SMYD3: variants seen among roughly 807,000 people sequenced by gnomAD.
SMYD3 encodes histone-lysine N-methyltransferase SMYD3.
A neutral mutation model predicts 57.7 loss-of-function variants in SMYD3; 36 were observed. The observed-to-expected ratio is 0.62, with a 90% CI of 0.48 to 0.82. The LOEUF (loss-of-function observed/expected upper bound fraction) is 0.82. Among genes scored for constraint, SMYD3 ranks in the 40% least tolerant of loss-of-function variants. The pLI, the probability that SMYD3 is intolerant of heterozygous loss-of-function variation, is 0.00. For missense variants in SMYD3, 515 were observed against 538.8 expected, an observed-to-expected ratio of 0.96 and a Z score of 0.44; for synonymous variants, 211 against 195.0, an observed-to-expected ratio of 1.08 and a Z score of -0.68.
intron 5 of SMYD3, among the ~76,000 whole-genome samples, chr1:246,059,030 AT>A (rs2060204674): frequency 6.6e-6 from 1 of 152,030 alleles, no homozygotes; most frequent in Non-Finnish European, 1.5e-5. Context: ...GTCCGCCACC[AT>A]GCCCGGCTAA....
chr1:245,954,513 A>T (rs2147958613), intron 5 of SMYD3, among the ~76,000 whole-genome samples: 1 of 152,318 alleles, frequency 6.6e-6, no homozygotes, highest in Non-Finnish European at 1.5e-5. Context: ...GTCTCTACAG[A>T]AAATGCTAAA....
chr1:246,250,115 G>GTCTTCTCTA (rs2063777610), intron 5 of SMYD3, among the ~76,000 whole-genome samples: 1 of 152,040 alleles, frequency 6.6e-6, no homozygotes, highest in Non-Finnish European at 1.5e-5. Context: ...CTCAAAAATG[G>GTCTTCTCTA]TCTTCTCTAT....
In SMYD3 at chr1:246,117,050, T is replaced by C. The variant is rs1470020267; in HGVS notation, c.532-187113A>G. Among the ~76,000 whole-genome samples, 6 of 152,206 alleles carry C rather than the reference T, an allele frequency of 3.9e-5. No homozygotes were observed. In the East Asian group the frequency reaches 1.2e-3, roughly 29 times the overall value. ...AAAAACCCACTAGAGCATCTGCTTT[T>C]CTATAAACACATAGAATGTCTACTG... On this transcript the variant is annotated intron_variant, in intron 5 of 11. Transcript: ENST00000490107.
chr1:245,959,144 C>T (rs200016171), intron 5 of SMYD3, among the ~76,000 whole-genome samples: 3 of 152,032 alleles, frequency 2.0e-5, no homozygotes, highest in Admixed American at 1.3e-4. Context: ...AACAAACAAA[C>T]AAAAAACAAA....
At chr1:246,428,647 C>T (rs569648945) in intron 1 of SMYD3, among the ~76,000 whole-genome samples, 34 of 152,314 alleles carry the variant, frequency 2.2e-4, no homozygotes, top group East Asian at 1.7e-3. Flanking sequence ...CATTCAAACC[C>T]GTGCAATCTA....
At chr1:246,286,096 C>T (rs2064557039) in intron 5 of SMYD3, among the ~76,000 whole-genome samples, 1 of 152,220 alleles carries the variant, frequency 6.6e-6, no homozygotes, top group Non-Finnish European at 1.5e-5. Context: ...CCTTAAAGAA[C>T]TAAAGTAGAA....
intron 5 of SMYD3, among the ~76,000 whole-genome samples, chr1:245,970,261 T>G (rs576447307): frequency 3.3e-5 from 5 of 152,314 alleles, no homozygotes; most frequent in Non-Finnish European, 7.4e-5. Flanking sequence ...TAGCCACATG[T>G]AGAAAGGGGA....
intron 7 of SMYD3, among the ~76,000 whole-genome samples, chr1:245,923,304 AC>A (rs199959133): frequency 1.5e-3 from 224 of 149,470 alleles, no homozygotes; most frequent in Non-Finnish European, 1.5e-3. Context: ...GAAAAAAAAA[AC>A]AAGAAAATCT....
chr1:246,182,175 G>A (rs953103019), intron 5 of SMYD3, among the ~76,000 whole-genome samples: 1 of 152,136 alleles, frequency 6.6e-6, no homozygotes, highest in African/African-American at 2.4e-5. Flanking sequence ...TAAAGAGAGA[G>A]AGAAAGAGAT....
At chr1:246,190,127 C>T (rs972510245) in intron 5 of SMYD3, among the ~76,000 whole-genome samples, 1 of 152,184 alleles carries the variant, frequency 6.6e-6, no homozygotes, top group Admixed American at 6.5e-5. Context: ...GTATTTAAGA[C>T]CCAAGTTTAT....
At chr1:246,379,081 T>TACAC (rs34560740) in intron 1 of SMYD3, among the ~76,000 whole-genome samples, 3,406 of 130,448 alleles carry the variant, frequency 0.026, 117 homozygotes, top group East Asian at 0.16. Context: ...CACACATACA[T>TACAC]ACACACACAC....
intron 1 of SMYD3, among the ~76,000 whole-genome samples, chr1:246,496,451 T>C (rs1232629707): frequency 6.6e-6 from 1 of 152,200 alleles, no homozygotes; most frequent in Non-Finnish European, 1.5e-5. Context: ...GTTGCTCTTA[T>C]TTATTTTTGC....
At chr1:246,437,244 A>G (rs932240316) in intron 1 of SMYD3, among the ~76,000 whole-genome samples, 1 of 152,066 alleles carries the variant, frequency 6.6e-6, no homozygotes, top group Non-Finnish European at 1.5e-5. Context: ...CAGGAATCTC[A>G]CCTGTCTTTT....
intron 10 of SMYD3, among the ~76,000 whole-genome samples, chr1:245,833,518 GAAGTA>G (rs772807515): frequency 6.6e-6 from 1 of 152,188 alleles, no homozygotes; most frequent in Non-Finnish European, 1.5e-5. Context: ...AAATGCCACA[GAAGTA>G]AAGTACCCTT....
At chr1:246,017,162 T>G (rs1383198666) in intron 5 of SMYD3, among the ~76,000 whole-genome samples, 1 of 152,192 alleles carries the variant, frequency 6.6e-6, no homozygotes, top group Non-Finnish European at 1.5e-5. Context: ...TTAATTTTTA[T>G]TCTTTTTTTT....
At chr1:246,046,463 CG>C (rs1364636844) in intron 5 of SMYD3, among the ~76,000 whole-genome samples, 1 of 151,640 alleles carries the variant, frequency 6.6e-6, no homozygotes, top group Admixed American at 6.6e-5. Context: ...CATCACACAC[CG>C]GGGCCTGTCA....
At chr1:246,176,317 T>C (rs565403858) in intron 5 of SMYD3, among the ~76,000 whole-genome samples, 1 of 152,294 alleles carries the variant, frequency 6.6e-6, no homozygotes, top group African/African-American at 2.4e-5. Context: ...TTCACCACTG[T>C]CCGGCTCTTA....
chr1:246,118,781 GAACTTA>G lies in SMYD3; in HGVS notation c.532-188850_532-188845del, dbSNP rs567826038. On this transcript the variant is annotated intron_variant, in intron 5 of 11. Coordinates refer to ENST00000490107, the MANE Select transcript of SMYD3 (RefSeq NM_001167740.2). ...AGAAGTGTTGTATGAAACTTCACCA[GAACTTA>G]AACTTAAAAGGTATGAGGCACGTGC... 3.4e-3 allele frequency among the ~76,000 whole-genome samples: 501 copies of G among 148,454 alleles called. 2 individuals are homozygous for G. The highest frequency in any genetic ancestry group is 5.5e-3 in the Non-Finnish European group (369 of 67,384).
chr1:246,319,353 T>C (rs920471699), intron 5 of SMYD3, among the ~76,000 whole-genome samples: 4 of 152,206 alleles, frequency 2.6e-5, no homozygotes, highest in Non-Finnish European at 5.9e-5. Context: ...CCCCGGTGAC[T>C]GGAGGTTAGC....
Sources: allele counts gnomAD v4.1 joint callset (sites outside exome capture counted in the v4.1 genomes callset), GRCh38; gene constraint gnomAD v4.1.1; transcripts MANE v1.5; gene names NCBI Gene and HGNC (gene_info 2026-07-23, HGNC 2026-07-21).